Variants in RGS6 observed in about 807,000 individuals in gnomAD.
RGS6 encodes the protein regulator of G protein signaling 6.
A neutral mutation model predicts 78.5 loss-of-function variants in RGS6; 30 were observed. The observed-to-expected ratio is 0.38, with a 90% CI of 0.29 to 0.52. RGS6 has a LOEUF of 0.52. Among genes scored for constraint, RGS6 ranks in the 20% least tolerant of loss-of-function variants. The pLI is 0.85. For synonymous variants in RGS6, 206 were observed against 206.0 expected (o/e 1.00, Z 0.00); for missense variants, 495 against 609.7 (o/e 0.81, Z 1.98).
intron 2 of RGS6, among the ~76,000 whole-genome samples, chr14:72,036,295 T>G (rs1475366707): frequency 2.1e-5 from 3 of 141,612 alleles, no homozygotes; most frequent in Non-Finnish European, 3.0e-5. Context: ...GTTTTGTTTT[T>G]CACCCATTGT....
chr14:72,509,281 C>T (rs1443529806), intron 13 of RGS6, among the ~76,000 whole-genome samples: 1 of 151,454 alleles, frequency 6.6e-6, no homozygotes, highest in East Asian at 1.9e-4. Context: ...AGGAGCATTG[C>T]TTGAACCCGG....
At chr14:71,885,430 A>G in the RGS6 span, among the ~76,000 whole-genome samples, 1 of 152,238 alleles carries the variant, frequency 6.6e-6, no homozygotes, top group African/African-American at 2.4e-5. Context: ...CCCTCTCTGG[A>G]TTTGAAAAAT....
At chr14:72,345,244 T>C (rs1207362137) in intron 2 of RGS6, among the ~76,000 whole-genome samples, 1 of 152,130 alleles carries the variant, frequency 6.6e-6, no homozygotes, top group Admixed American at 6.5e-5. Context: ...AAGATGTTGG[T>C]GTTCATAGAA....
At chr14:72,400,496 C>A (rs1469032980) in intron 3 of RGS6, among the ~76,000 whole-genome samples, 1 of 152,154 alleles carries the variant, frequency 6.6e-6, no homozygotes, top group Non-Finnish European at 1.5e-5. Flanking sequence ...TGTAAGGCAC[C>A]TTCAAGGTGC....
intron 2 of RGS6, among the ~76,000 whole-genome samples, chr14:72,207,185 G>A (rs557667472): frequency 8.4e-4 from 128 of 152,190 alleles, no homozygotes; most frequent in African/African-American, 3.0e-3. Flanking sequence ...TTCTATAGAT[G>A]TATTGTTTGT....
At chr14:72,446,900 G>C (rs900873865) in intron 3 of RGS6, among the ~76,000 whole-genome samples, 1 of 152,140 alleles carries the variant, frequency 6.6e-6, no homozygotes. Flanking sequence ...AGGCAGTAAT[G>C]TGAGTGATGG....
In RGS6 at chr14:72,030,058, A is replaced by G. The variant is rs778483944; in HGVS notation, c.84+65183A>G. Among the ~76,000 whole-genome samples, 156 of 152,206 alleles carry G rather than the reference A, an allele frequency of 1.0e-3. 4 individuals are homozygous for G. The highest frequency in any genetic ancestry group is 2.1e-4 in the Non-Finnish European group (14 of 68,036). ...AGGTAAAGAGTTCTAAGATCTTCGC[A>G]TTGTCTGGGAAGAAGTGGAAATGTT... is the stretch of plus-strand genomic sequence containing the variant. On this transcript the variant is annotated intron_variant, in intron 2 of 17. Transcript: ENST00000553525.
In RGS6 at chr14:72,508,562, C is replaced by CTTTTTTTTTTTT. The variant is rs61097187; in HGVS notation, c.966-1572_966-1561dup. Among the ~76,000 whole-genome samples the CTTTTTTTTTTTT allele has an allele frequency of 1.1e-4, 6 of 56,472 alleles. 1 individual carries two copies. The highest frequency in any genetic ancestry group is 1.8e-4 in the Non-Finnish European group (6 of 34,232). 37.0% of individuals were successfully genotyped at this position (56,472 alleles called of 152,430 possible). On this transcript the variant is annotated intron_variant, in intron 13 of 17. Coordinates refer to ENST00000553525, the MANE Select transcript of RGS6 (RefSeq NM_001204424.2). The stretch of plus-strand genomic sequence containing the variant: ...CCAAGCTTTCCACGCACACAAGCTC[C>CTTTTTTTTTTTT]TTTTTTTTTTTTTTTTTTTTTTTTT...
In RGS6 at chr14:72,465,798, G is replaced by A; in HGVS notation, c.435G>A (p.Arg145=). 2 of 1,613,812 alleles carry A rather than the reference G, an allele frequency of 1.2e-6. No individual in the cohort carries two copies. The highest frequency in any genetic ancestry group is 1.7e-6 in the Non-Finnish European group (2 of 1,179,738). The change falls in exon 7 of 18, where the codon AGG becomes AGA. Residue 145 remains arginine, a synonymous_variant. Coordinates refer to ENST00000553525, the MANE Select transcript of RGS6 (RefSeq NM_001204424.2). ...AGAGGACAATGCAAAATAAAGCAAG[G>A]CTGGAACTGGCAGATTATGAAGCAG... The part of the protein sequence containing the change: ...LCKRTMQNKA[R]LELADYEAEN...
At chr14:72,548,182 T>A (rs2097436869) in intron 17 of RGS6, among the ~76,000 whole-genome samples, 1 of 152,164 alleles carries the variant, frequency 6.6e-6, no homozygotes, top group South Asian at 2.1e-4. Context: ...ATGACTTGGA[T>A]GAAGAGACAA....
chr14:71,886,291 G>A, the RGS6 span, among the ~76,000 whole-genome samples: 1 of 152,118 alleles, frequency 6.6e-6, no homozygotes, highest in Admixed American at 6.5e-5. Context: ...AGAGTTGATT[G>A]TCTGTCTCTC....
At chr14:72,313,688 AAT>A (rs2069250067) in intron 2 of RGS6, among the ~76,000 whole-genome samples, 1 of 152,218 alleles carries the variant, frequency 6.6e-6, no homozygotes, top group African/African-American at 2.4e-5. Flanking sequence ...AAGATAACCC[AAT>A]AAAATAAAGA....
intron 1 of RGS6, among the ~76,000 whole-genome samples, chr14:71,942,727 G>A (rs2090820775): frequency 1.3e-5 from 2 of 152,134 alleles, no homozygotes; most frequent in African/African-American, 2.4e-5. Flanking sequence ...TTATCCTTAT[G>A]TGGCTACCTT....
rs532290653 is a variant in RGS6, at chr14:72,279,037, A to G, written c.85-73058A>G. The stretch of plus-strand genomic sequence containing the variant: ...TATCCGATTGAGACCCTACCTTATC[A>G]TCGCTTAACCTTAATTACTTCTGTA... On this transcript the variant is annotated intron_variant, in intron 2 of 17. Coordinates refer to ENST00000553525, the MANE Select transcript of RGS6 (RefSeq NM_001204424.2). 2.0e-5 allele frequency among the ~76,000 whole-genome samples: 3 copies of G among 152,272 alleles called. No homozygotes were observed. The East Asian group carries it at 5.8e-4, about 29-fold the overall frequency.
At chr14:72,235,517 T>C (rs1351136854) in intron 2 of RGS6, among the ~76,000 whole-genome samples, 4 of 152,260 alleles carry the variant, frequency 2.6e-5, no homozygotes, top group Admixed American at 6.5e-5. Context: ...GGACAAATCA[T>C]GTATAATCTA....
chr14:72,162,801 TACACAC>T (rs751329498), intron 2 of RGS6, among the ~76,000 whole-genome samples: 1 of 151,904 alleles, frequency 6.6e-6, no homozygotes, highest in African/African-American at 2.4e-5. Context: ...CATATATATA[TACACAC>T]ACACACATAT....
At chr14:71,883,607 C>T in the RGS6 span, among the ~76,000 whole-genome samples, 2 of 152,086 alleles carry the variant, frequency 1.3e-5, no homozygotes, top group Admixed American at 6.6e-5. Context: ...CATTCTAAGT[C>T]GCAGGATGAG....
the RGS6 span, among the ~76,000 whole-genome samples, chr14:71,890,188 C>T: frequency 2.0e-5 from 3 of 152,094 alleles, no homozygotes; most frequent in African/African-American, 7.2e-5. Flanking sequence ...CAAGTTTCTG[C>T]CTTGAGCAGA....
At chr14:72,153,646 G>A (rs933562191) in intron 2 of RGS6, among the ~76,000 whole-genome samples, 3 of 152,136 alleles carry the variant, frequency 2.0e-5, no homozygotes, top group East Asian at 1.9e-4. Context: ...ATCACATATC[G>A]GTAGGACCTT....
Sources: allele counts gnomAD v4.1 joint callset (sites outside exome capture counted in the v4.1 genomes callset), GRCh38; gene constraint gnomAD v4.1.1; transcripts MANE v1.5; gene names NCBI Gene and HGNC (gene_info 2026-07-23, HGNC 2026-07-21).